Variants in KIAA1217 observed in about 807,000 individuals in gnomAD.
KIAA1217 encodes the protein sickle tail protein homolog.
Under a neutral mutation model 163.9 loss-of-function variants are expected in KIAA1217, and 88 were observed. That is an observed-to-expected ratio of 0.54 (90% CI 0.45 to 0.64). The LOEUF is 0.64. Ranked by LOEUF, KIAA1217 falls within the 30% of genes least tolerant of loss-of-function variation. KIAA1217 has a pLI of 0.00. For synonymous variants in KIAA1217, 903 were observed against 923.1 expected (o/e 0.98, Z 0.39); for missense variants, 2,372 against 2,475.0 (o/e 0.96, Z 0.88).
intron 2 of KIAA1217, among the ~76,000 whole-genome samples, chr10:24,185,795 C>CAA (rs552152426): frequency 4.8e-5 from 7 of 145,242 alleles, no homozygotes; most frequent in African/African-American, 1.3e-4. Flanking sequence ...AATTCCGTCT[C>CAA]AAAAAAAAAA....
chr10:24,007,288 C>G, exon 2 of KIAA1217: 1 of 152,122 alleles, frequency 6.6e-6, no homozygotes, highest in Non-Finnish European at 1.5e-5. Context: ...GGAGTGGAAC[C>G]ACAGCCCAGA....
chr10:24,346,896 T>C (rs1335615981), intron 2 of KIAA1217, among the ~76,000 whole-genome samples: 4 of 152,188 alleles, frequency 2.6e-5, no homozygotes, highest in African/African-American at 9.7e-5. Context: ...TTAATCAAGA[T>C]AATATGCAAA....
chr10:24,181,065 T>G (rs1332238948), intron 2 of KIAA1217, among the ~76,000 whole-genome samples: 3 of 152,238 alleles, frequency 2.0e-5, no homozygotes, highest in African/African-American at 7.2e-5. Context: ...AACAACTATT[T>G]GAGCACACGT....
intron 17 of KIAA1217, among the ~76,000 whole-genome samples, chr10:24,540,742 C>T (rs2074912455): frequency 6.6e-6 from 1 of 152,102 alleles, no homozygotes; most frequent in Admixed American, 6.6e-5. Context: ...AGGCTGAAAC[C>T]TTTTTTTTAA....
chr10:24,315,384 T>C (rs1443936487), intron 2 of KIAA1217, among the ~76,000 whole-genome samples: 1 of 152,202 alleles, frequency 6.6e-6, no homozygotes, highest in Non-Finnish European at 1.5e-5. Context: ...CTGCCTGTTT[T>C]CTGGAGAGTG....
intron 3 of KIAA1217, among the ~76,000 whole-genome samples, chr10:24,402,523 C>CAAAAAAAAAAAAAAAAAAAAAAAA (rs1173653514): frequency 1.4e-5 from 1 of 71,034 alleles, no homozygotes; most frequent in African/African-American, 4.7e-5. Context: ...AAACAAAAAA[C>CAAAAAAAAAAAAAAAAAAAAAAAA]AAAACAAAAA....
intron 2 of KIAA1217, among the ~76,000 whole-genome samples, chr10:24,119,606 G>C (rs1589569411): frequency 6.6e-6 from 1 of 152,174 alleles, no homozygotes; most frequent in East Asian, 1.9e-4. Context: ...GGCTGATCTA[G>C]CTGTATGTGG....
At chr10:23,723,447 A>T (rs982550044) in intron 1 of KIAA1217, among the ~76,000 whole-genome samples, 1 of 152,192 alleles carries the variant, frequency 6.6e-6, no homozygotes, top group Non-Finnish European at 1.5e-5. Context: ...ATAAAAATTT[A>T]AAAATAGACT....
rs186921506 is a variant in KIAA1217, at chr10:23,818,598, C to T, written c.-321+123364C>T. ...AGAAACCAGGACTCCAGGCATTCAG[C>T]GACAGAAACCAAAACCCACTTCCGT... On this transcript the variant is annotated intron_variant, in intron 1 of 18. Transcript: ENST00000376462. Among the ~76,000 whole-genome samples the T allele has an allele frequency of 1.3e-3, 202 of 152,086 alleles. 1 individual carries two copies. Among genetic ancestry groups the T allele is most frequent in the Non-Finnish European group, 2.3e-3 (159 of 67,998 alleles).
intron 1 of KIAA1217, among the ~76,000 whole-genome samples, chr10:23,993,552 G>GTTTTTTTTTTTTT (rs1564594837): frequency 2.3e-4 from 9 of 39,426 alleles, no homozygotes; most frequent in African/African-American, 4.8e-4. Flanking sequence ...CCATAGCCCA[G>GTTTTTTTTTTTTT]CTTTTTTTTT....
At chr10:24,156,685 G>A (rs1277709901) in intron 2 of KIAA1217, among the ~76,000 whole-genome samples, 1 of 152,072 alleles carries the variant, frequency 6.6e-6, no homozygotes, top group Non-Finnish European at 1.5e-5. Context: ...TCACCCCAGG[G>A]CTGAGTACCA....
intron 2 of KIAA1217, among the ~76,000 whole-genome samples, chr10:24,066,953 C>T (rs987602125): frequency 6.6e-6 from 1 of 152,188 alleles, no homozygotes; most frequent in Non-Finnish European, 1.5e-5. Flanking sequence ...GAGGCTTGTG[C>T]ATTCGTCACG....
At chr10:23,860,569 T>G (rs2131132959) in intron 1 of KIAA1217, among the ~76,000 whole-genome samples, 1 of 152,356 alleles carries the variant, frequency 6.6e-6, no homozygotes, top group Non-Finnish European at 1.5e-5. Context: ...ATTGTTATTC[T>G]AACTCATTTC....
intron 1 of KIAA1217, among the ~76,000 whole-genome samples, chr10:23,805,203 A>G (rs578174482): frequency 5.3e-5 from 8 of 152,324 alleles, no homozygotes; most frequent in Admixed American, 1.3e-4. Flanking sequence ...TCTATTATAA[A>G]GACACATACA....
intron 2 of KIAA1217, among the ~76,000 whole-genome samples, chr10:24,022,662 ATATT>A (rs1847783602): frequency 6.6e-6 from 1 of 151,786 alleles, no homozygotes; most frequent in Non-Finnish European, 1.5e-5. Flanking sequence ...CCACAAATAA[ATATT>A]TATGGCAGGT....
intron 1 of KIAA1217, among the ~76,000 whole-genome samples, chr10:23,768,581 A>C (rs541368926): frequency 6.6e-6 from 1 of 152,364 alleles, no homozygotes; most frequent in East Asian, 1.9e-4. Context: ...ACAAAGGTAT[A>C]TTCGTGAACT....
At chr10:23,734,586 G>A (rs1332731742) in intron 1 of KIAA1217, among the ~76,000 whole-genome samples, 1 of 151,574 alleles carries the variant, frequency 6.6e-6, no homozygotes, top group Non-Finnish European at 1.5e-5. Flanking sequence ...ACTGCACCTG[G>A]CCAAGTTTTA....
At chr10:24,126,635 T>A (rs189310192) in intron 2 of KIAA1217, among the ~76,000 whole-genome samples, 1 of 152,292 alleles carries the variant, frequency 6.6e-6, no homozygotes, top group Admixed American at 6.5e-5. Flanking sequence ...ATTTTGAATT[T>A]GCTTTTAATT....
At chr10:23,757,422 G>A (rs1286298412) in intron 1 of KIAA1217, among the ~76,000 whole-genome samples, 3 of 151,932 alleles carry the variant, frequency 2.0e-5, no homozygotes, top group African/African-American at 7.3e-5. Flanking sequence ...AAAAATTATA[G>A]CAGCCATCCT....
Sources: allele counts gnomAD v4.1 joint callset (sites outside exome capture counted in the v4.1 genomes callset), GRCh38; gene constraint gnomAD v4.1.1; transcripts MANE v1.5; gene names NCBI Gene and HGNC (gene_info 2026-07-23, HGNC 2026-07-21).